C2CD2: variants seen among roughly 807,000 people sequenced by gnomAD.
C2CD2 encodes the protein C2 calcium dependent domain containing 2.
Under a neutral mutation model 74.3 loss-of-function variants are expected in C2CD2, and 43 were observed. The observed-to-expected ratio is 0.58, with a 90% confidence interval of 0.45 to 0.75. The LOEUF is 0.75. Ranked by LOEUF, C2CD2 falls within the 30% of genes least tolerant of loss-of-function variation. The probability of loss-of-function intolerance (pLI) is 0.00; values close to 1 mark genes in which losing one functional copy is unlikely to be tolerated. For synonymous variants in C2CD2, 422 were observed against 390.7 expected, an observed-to-expected ratio of 1.08 and a Z score of -0.94; for missense variants, 801 against 916.3, an observed-to-expected ratio of 0.87 and a Z score of 1.63.
rs567007085 is a variant in C2CD2, at chr21:41,908,092, A to C, written c.1019-308T>G. On this transcript the variant is annotated intron_variant, in intron 8 of 13. Coordinates refer to ENST00000380486, the MANE Select transcript of C2CD2 (RefSeq NM_015500.2). ...GGGTCGTCCAGTGACAAAAACTGGA[A>C]GATGGGCATAAGCTAAGGAATTGCA... The C allele has an allele frequency of 2.6e-5, 10 of 384,400 alleles. No individual in the cohort carries two copies. The East Asian group carries it at 6.4e-4, about 24-fold the overall frequency. The allele number at this position is 384,400 out of a possible 1,614,324, so 23.8% of individuals were successfully genotyped here.
At chr21:41,897,437 G>A (rs2064837021) in intron 13 of C2CD2, among the ~76,000 whole-genome samples, 1 of 152,180 alleles carries the variant, frequency 6.6e-6, no homozygotes, top group Admixed American at 6.5e-5. Context: ...ACAGGTGTGT[G>A]TGTCAGGTGA....
intron 3 of C2CD2, 80 bp downstream of exon 3, chr21:41,921,892 C>CT: frequency 1.2e-6 from 1 of 847,566 alleles, no homozygotes; most frequent in East Asian, 2.5e-5. Context: ...TTACAGCCCT[C>CT]TGACTCACAC....
At chr21:41,940,755 G>A (rs1218888010) in intron 2 of C2CD2, among the ~76,000 whole-genome samples, 1 of 152,132 alleles carries the variant, frequency 6.6e-6, no homozygotes, top group Non-Finnish European at 1.5e-5. Context: ...TGGGGAAGGC[G>A]GGAAGCACTG....
rs777660111 is a variant in C2CD2 at position 41,905,765 on chromosome 21, C to A, written c.1391G>T (p.Arg464Leu). ...KDISVQAIACRSAPVSKTLSS... is the reference protein window; with the variant it reads ...KDISVQAIACLSAPVSKTLSS... ...GAGTGTTTTGCTGACGGGGGCGCTG[C>A]GGCAGGCGATGGCCTGGACAGAGAT... Residue 464 changes from arginine to leucine, a missense_variant, in exon 11 of 14, where the codon CGC (arginine) becomes CTC (leucine). Transcript: ENST00000380486. 6.8e-6 allele frequency: 11 copies of A among 1,610,932 alleles called. No individual in the cohort carries two copies. Among genetic ancestry groups the A allele is most frequent in the South Asian group, 1.1e-5 (1 of 90,912 alleles).
rs2065187370 is a variant in C2CD2, at chr21:41,924,421, C to G, written c.379-2336G>C. Among the ~76,000 whole-genome samples the G allele has an allele frequency of 6.6e-6, 1 of 152,224 alleles. No homozygotes were observed. Among genetic ancestry groups the G allele is most frequent in the South Asian group, 2.1e-4 (1 of 4,830 alleles). ...AATATTGGCAGAAAGTCGTGCAACT[C>G]TTTCTACCGGTTCTTATAACGCCAC... On this transcript the variant is annotated intron_variant, in intron 2 of 13. Coordinates refer to ENST00000380486, the MANE Select transcript of C2CD2 (RefSeq NM_015500.2). The surrounding 1 kb of genome is among the most constrained non-coding windows in gnomAD (Gnocchi z 4.4).
chr21:41,938,515 C>T (rs1290270777), intron 2 of C2CD2, among the ~76,000 whole-genome samples: 1 of 152,036 alleles, frequency 6.6e-6, no homozygotes, highest in Non-Finnish European at 1.5e-5. Flanking sequence ...CTGCATCTTC[C>T]CAAACTGAAA....
chr21:41,948,679 T>G (rs896156972), intron 1 of C2CD2, among the ~76,000 whole-genome samples: 11 of 151,846 alleles, frequency 7.2e-5, no homozygotes, highest in Non-Finnish European at 1.3e-4. Context: ...TCACCACAGT[T>G]CTACCAACTG....
At chr21:41,922,476 C>CTTT (rs34651080) in intron 2 of C2CD2, among the ~76,000 whole-genome samples, 2 of 139,426 alleles carry the variant, frequency 1.4e-5, no homozygotes. Flanking sequence ...CCATAGGCAT[C>CTTT]TTTTTTTTTT....
chr21:41,905,620 A>T lies in C2CD2; in HGVS notation c.1432+104T>A, dbSNP rs113167557. 1.1e-5 allele frequency: 7 copies of T among 637,350 alleles called. 1 individual carries two copies. The highest frequency in any genetic ancestry group is 8.1e-5 in the African/African-American group (4 of 49,240). 39.5% of individuals were successfully genotyped at this position (637,350 alleles called of 1,614,324 possible). A position where few individuals can be genotyped will look rare whatever the true frequency, so the allele number is the denominator to read the frequency against. ...GGTGTGAGCCACCACACCAGGCCCA[A>T]AACAACTTTTTCCAAATTCTGAAAG... is the stretch of plus-strand genomic sequence containing the variant. On this transcript the variant is annotated intron_variant, in intron 11 of 13. Transcript: ENST00000380486.
At chr21:41,905,913 C>T (rs950805452) in intron 10 of C2CD2, 76 bp from the exon 11 acceptor site, 17 of 823,234 alleles carry the variant, frequency 2.1e-5, no homozygotes, top group Non-Finnish European at 3.4e-5. Flanking sequence ...AGTGAAAGGA[C>T]AGCCCTCACT....
intron 13 of C2CD2, among the ~76,000 whole-genome samples, 158 bp downstream of exon 13, chr21:41,898,895 C>T (rs1420107579): frequency 4.6e-5 from 7 of 152,206 alleles, no homozygotes; most frequent in Admixed American, 4.6e-4. Flanking sequence ...CGGGTTCAAA[C>T]ATTCAGCACA....
chr21:41,942,611 T>A (rs1034732712), intron 1 of C2CD2, among the ~76,000 whole-genome samples: 2 of 152,116 alleles, frequency 1.3e-5, no homozygotes, highest in Non-Finnish European at 2.9e-5. Context: ...AATCAGAGGA[T>A]CTGTGGGTCT....
In C2CD2 at chr21:41,918,909, A is replaced by G. The variant is rs753381137; in HGVS notation, c.544T>C (p.Phe182Leu). The change falls in exon 4 of 14, where the codon TTC becomes CTC. Residue 182 changes from phenylalanine (F) to leucine (L), a missense_variant. By Grantham distance (22) the Phe-to-Leu change is conservative (BLOSUM62 0). Coordinates refer to ENST00000380486, the MANE Select transcript of C2CD2 (RefSeq NM_015500.2). ...ACGGCCATTTCCGGCACACTGATGA[A>G]AGACCAGCTAATCTGGAGGTCCTCT... ...KREDLQISWS[F>L]ISVPEMAVNI... The G allele has an allele frequency of 1.2e-4, 191 of 1,614,130 alleles. 1 individual carries two copies. The highest frequency in any genetic ancestry group is 1.5e-4 in the Non-Finnish European group (175 of 1,180,042).
chr21:41,907,358 C>T (rs1228733372), intron 9 of C2CD2, among the ~76,000 whole-genome samples, 192 bp from the exon 10 acceptor site: 2 of 152,216 alleles, frequency 1.3e-5, no homozygotes, highest in African/African-American at 2.4e-5. Context: ...CAGCTCAACA[C>T]GTAATGATGG....
chr21:41,899,294 G>T lies in C2CD2; in HGVS notation c.1629C>A (p.His543Gln). 6.2e-7 allele frequency: 1 copy of T among 1,611,404 alleles called. No homozygotes were observed. Among genetic ancestry groups the T allele is most frequent in the Non-Finnish European group, 8.5e-7 (1 of 1,179,990 alleles). ...CCGGATGGGATGGGGCGTCCTCCTG[G>T]TGGGTGCTGTCCACAGAGGCCGTGT... is the stretch of plus-strand genomic sequence containing the variant. Reference protein sequence around the residue: ...QGYTASVDSTHQEDAPSHPER... With the variant: ...QGYTASVDSTQQEDAPSHPER... Residue 543 changes from histidine to glutamine, a missense_variant, in exon 13 of 14, where the codon CAC (histidine) becomes CAA (glutamine). Physicochemically the swap from His to Gln is conservative, Grantham distance 24. Coordinates refer to ENST00000380486, the MANE Select transcript of C2CD2 (RefSeq NM_015500.2). The surrounding 1 kb of genome is among the most constrained non-coding windows in gnomAD (Gnocchi z 4.4).
At chr21:41,905,971 G>C (rs966428486) in intron 10 of C2CD2, 134 bp from the exon 11 acceptor site, 1 of 680,200 alleles carries the variant, frequency 1.5e-6, no homozygotes, top group Non-Finnish European at 2.7e-6. Context: ...AACGAAAGCT[G>C]TTTTGAGGGG....
chr21:41,902,427 C>A (rs558215319), intron 11 of C2CD2, among the ~76,000 whole-genome samples: 1 of 152,318 alleles, frequency 6.6e-6, no homozygotes, highest in African/African-American at 2.4e-5. Flanking sequence ...CACATTCTCT[C>A]ATTTACTCCT....
chr21:41,933,754 C>T (rs1042718967), intron 2 of C2CD2, among the ~76,000 whole-genome samples: 11 of 152,198 alleles, frequency 7.2e-5, no homozygotes, highest in Non-Finnish European at 8.8e-5. Flanking sequence ...CTCCTCCTCC[C>T]GCACTCACAG....
rs771596992 is a variant in C2CD2 at position 41,901,588 on chromosome 21, C to T, written c.1560+34G>A. ...GAGCAGCAGGTCACTGACAGATGAC[C>T]AGATGAACACCTCCCCAGCCACCAC... On this transcript the variant is annotated intron_variant, in intron 12 of 13. Coordinates refer to ENST00000380486, the MANE Select transcript of C2CD2 (RefSeq NM_015500.2). The T allele has an allele frequency of 3.7e-6, 6 of 1,612,410 alleles. No homozygotes were observed. In the African/African-American group the frequency reaches 8.0e-5, roughly 22 times the overall value.
Sources: gnomAD v4.1 joint callset for allele counts (sites outside exome capture counted in the v4.1 genomes callset) on GRCh38, gnomAD v4.1.1 for gene constraint, Gnocchi (gnomAD v3.1) non-coding constraint, MANE v1.5 for transcripts, NCBI Gene and HGNC (gene_info 2026-07-23, HGNC 2026-07-21) for gene names.